Variants in TBCK observed in about 807,000 individuals in gnomAD.
The protein encoded by TBCK is TBC1 domain containing kinase.
Under a neutral mutation model 113.4 loss-of-function variants are expected in TBCK, and 99 were observed. The observed-to-expected ratio is 0.87, with a 90% CI of 0.74 to 1.03. TBCK has a LOEUF of 1.03. Ranked by LOEUF, TBCK falls within the 50% of genes least tolerant of loss-of-function variation. The pLI is 0.00. For missense variants in TBCK, 1,045 were observed against 1,061.3 expected (o/e 0.98, Z 0.21); for synonymous variants, 369 against 370.8 (o/e 1.00, Z 0.05).
At chr4:106,084,779 T>C (rs1739307710) in intron 25 of TBCK, among the ~76,000 whole-genome samples, 1 of 152,174 alleles carries the variant, frequency 6.6e-6, no homozygotes, top group African/African-American at 2.4e-5. Flanking sequence ...GACTGGGGGC[T>C]AATATTTAAC....
At chr4:106,081,384 T>C (rs913272954) in intron 25 of TBCK, among the ~76,000 whole-genome samples, 3 of 151,444 alleles carry the variant, frequency 2.0e-5, no homozygotes, top group Admixed American at 2.0e-4. Flanking sequence ...ATGGAAGGAG[T>C]TGGAAGCTGT....
chr4:106,315,274 A>T (rs552973526), intron 1 of TBCK, among the ~76,000 whole-genome samples: 6 of 152,306 alleles, frequency 3.9e-5, no homozygotes, highest in African/African-American at 1.4e-4. Context: ...TGGGCAAAGG[A>T]TAATGAACAA....
chr4:106,155,049 A>G (rs1316392727), intron 23 of TBCK, among the ~76,000 whole-genome samples: 1 of 151,840 alleles, frequency 6.6e-6, no homozygotes, highest in Non-Finnish European at 1.5e-5. Context: ...TAGGTCTGGT[A>G]TTGATGAAAT....
rs1450167987 is a variant in TBCK, at chr4:106,200,804, T to A, written c.1861-6050A>T. ...ATTTGTTGAAAGGATCAATCAAATA[T>A]TTGTTGAAAGAATGAATGAAAAACA... On this transcript the variant is annotated intron_variant, in intron 20 of 25. Transcript: ENST00000394708. 2.0e-5 allele frequency among the ~76,000 whole-genome samples: 3 copies of A among 152,124 alleles called. No homozygotes were observed. The South Asian group carries it at 6.2e-4, about 32-fold the overall frequency.
At position 106,262,105 on chromosome 4, in the gene TBCK, T is replaced by A; in HGVS notation, c.374A>T (p.Asp125Val). 1 of 1,522,216 alleles carries A rather than the reference T, an allele frequency of 6.6e-7. No homozygotes were observed. The highest frequency in any genetic ancestry group is 8.9e-7 in the Non-Finnish European group (1 of 1,128,238). 94.3% of individuals were successfully genotyped at this position (1,522,216 alleles called of 1,614,324 possible). Residue 125 changes from aspartate to valine, a missense_variant, in exon 4 of 26, where the codon GAC becomes GTC. Physicochemically the swap from Asp to Val is radical, Grantham distance 152 (BLOSUM62 -3). Coordinates refer to ENST00000394708, the MANE Select transcript of TBCK (RefSeq NM_001163435.3). ...RALSPHNILL[D>V]RKGHIKLAKF... ...ACATGATTTAACAATTACCTTTCGG[T>A]CCAACAGGATATTATGAGGAGACAA...
intron 25 of TBCK, among the ~76,000 whole-genome samples, chr4:106,056,057 A>G (rs1735345542): frequency 6.6e-6 from 1 of 151,136 alleles, no homozygotes; most frequent in South Asian, 2.1e-4. Flanking sequence ...CACATCTAGT[A>G]GAAGTCTTCT....
At chr4:106,114,773 A>G (rs1258743032) in intron 24 of TBCK, among the ~76,000 whole-genome samples, 3 of 152,216 alleles carry the variant, frequency 2.0e-5, no homozygotes, top group African/African-American at 7.2e-5. Flanking sequence ...TAAAGACTCA[A>G]GCAAAAGAAA....
At chr4:106,271,950 C>A (rs537596761) in intron 3 of TBCK, among the ~76,000 whole-genome samples, 3 of 152,146 alleles carry the variant, frequency 2.0e-5, no homozygotes, top group Middle Eastern at 3.4e-3. Context: ...CTACTCCCTG[C>A]AATTCTGATA....
At chr4:106,220,119 T>G (rs1560849112) in intron 19 of TBCK, among the ~76,000 whole-genome samples, 1 of 152,160 alleles carries the variant, frequency 6.6e-6, no homozygotes, top group Non-Finnish European at 1.5e-5. Context: ...GATAACATGG[T>G]TTGGCTGTGT....
At chr4:106,301,415 A>G (rs2125870446) in intron 2 of TBCK, among the ~76,000 whole-genome samples, 1 of 152,282 alleles carries the variant, frequency 6.6e-6, no homozygotes, top group East Asian at 1.9e-4. Flanking sequence ...TTCTAAACAC[A>G]GCTGAGATTT....
At chr4:106,143,266 CT>C (rs748194604) in intron 23 of TBCK, among the ~76,000 whole-genome samples, 1 of 152,104 alleles carries the variant, frequency 6.6e-6, no homozygotes, top group African/African-American at 2.4e-5. Flanking sequence ...TTTCCTGCCC[CT>C]TTTTCACTTG....
At chr4:106,121,393 A>G (rs1023397498) in intron 23 of TBCK, among the ~76,000 whole-genome samples, 14 of 142,708 alleles carry the variant, frequency 9.8e-5, no homozygotes, top group African/African-American at 3.7e-4. Context: ...AGTGACCTAC[A>G]AAGAGACTTA....
At chr4:106,308,675 G>C in intron 2 of TBCK, 93 bp downstream of exon 2, 4 of 1,195,324 alleles carry the variant, frequency 3.3e-6, no homozygotes, top group Non-Finnish European at 4.7e-6. Context: ...CACTGGTACT[G>C]ATGATAGCTT....
At chr4:106,199,656 A>G (rs1754658984) in intron 20 of TBCK, among the ~76,000 whole-genome samples, 1 of 152,162 alleles carries the variant, frequency 6.6e-6, no homozygotes, top group African/African-American at 2.4e-5. Flanking sequence ...AATCTCAGTT[A>G]GAAGCAACTC....
intron 2 of TBCK, among the ~76,000 whole-genome samples, chr4:106,295,693 G>A (rs924728345): frequency 1.3e-5 from 2 of 152,086 alleles, no homozygotes; most frequent in Admixed American, 6.5e-5. Flanking sequence ...GGTTCTTAAA[G>A]GTGCCAACCC....
At chr4:106,254,241 T>A (rs1346443145) in intron 5 of TBCK, among the ~76,000 whole-genome samples, 1 of 152,180 alleles carries the variant, frequency 6.6e-6, no homozygotes, top group Non-Finnish European at 1.5e-5. Flanking sequence ...GTGTTCAGCA[T>A]AAACCACTTT....
chr4:106,096,307 G>GA (rs138114627), intron 24 of TBCK, among the ~76,000 whole-genome samples: 3 of 152,224 alleles, frequency 2.0e-5, no homozygotes, highest in Admixed American at 6.5e-5. Flanking sequence ...TTAAAAAACT[G>GA]AAAGTACTTT....
At chr4:106,090,039 G>A (rs1740027832) in intron 25 of TBCK, among the ~76,000 whole-genome samples, 1 of 152,166 alleles carries the variant, frequency 6.6e-6, no homozygotes, top group East Asian at 1.9e-4. Flanking sequence ...TCCACTCTAC[G>A]TTTCCCATTG....
intron 3 of TBCK, among the ~76,000 whole-genome samples, chr4:106,269,634 G>A (rs1239182599): frequency 6.6e-6 from 1 of 152,108 alleles, no homozygotes; most frequent in Non-Finnish European, 1.5e-5. Flanking sequence ...TTGATAAACT[G>A]CTACCTAAAG....
Sources: gnomAD v4.1 joint callset for allele counts (sites outside exome capture counted in the v4.1 genomes callset) on GRCh38, gnomAD v4.1.1 for gene constraint, MANE v1.5 for transcripts, NCBI Gene and HGNC (gene_info 2026-07-23, HGNC 2026-07-21) for gene names.